Variants in CNTN4 observed in about 807,000 individuals in gnomAD.
CNTN4 encodes contactin 4.
CNTN4 carries 77 observed loss-of-function variants against 122.5 expected under a neutral mutation model. The ratio of observed to expected loss-of-function variants is 0.63; its 90% CI spans 0.52 to 0.76. The LOEUF (loss-of-function observed/expected upper bound fraction) is 0.76. Ranked by LOEUF, CNTN4 falls within the 30% of genes least tolerant of loss-of-function variation. CNTN4 has a pLI of 0.00. For missense variants in CNTN4, 1,256 were observed against 1,259.1 expected (o/e 1.00, Z 0.04); for synonymous variants, 512 against 447.0 (o/e 1.15, Z -1.83).
intron 2 of CNTN4, among the ~76,000 whole-genome samples, chr3:2,167,946 C>T (rs1167303530): frequency 6.6e-6 from 1 of 152,064 alleles, no homozygotes; most frequent in African/African-American, 2.4e-5. Context: ...TTCAACAGAC[C>T]AAGCAACATA....
chr3:2,452,162 G>A (rs1258228834), intron 3 of CNTN4, among the ~76,000 whole-genome samples: 1 of 152,140 alleles, frequency 6.6e-6, no homozygotes, highest in African/African-American at 2.4e-5. Context: ...GGAATCAGAA[G>A]CTCATTTATA....
At chr3:2,440,709 C>T (rs577518638) in intron 3 of CNTN4, among the ~76,000 whole-genome samples, 5 of 150,858 alleles carry the variant, frequency 3.3e-5, no homozygotes, top group Non-Finnish European at 5.9e-5. Flanking sequence ...TGTATATACA[C>T]ACGTATGTAT....
At chr3:2,568,149 A>G (rs1184610596) in intron 3 of CNTN4, among the ~76,000 whole-genome samples, 1 of 152,084 alleles carries the variant, frequency 6.6e-6, no homozygotes, top group Non-Finnish European at 1.5e-5. Flanking sequence ...TTCAAAACAA[A>G]TAAATACATG....
intron 4 of CNTN4, among the ~76,000 whole-genome samples, chr3:2,704,204 G>A (rs1378604397): frequency 2.0e-5 from 3 of 150,618 alleles, no homozygotes; most frequent in Non-Finnish European, 4.4e-5. Context: ...GGCTGAGGCA[G>A]GAGAATTGCT....
At chr3:2,553,131 T>C (rs956599620) in intron 3 of CNTN4, among the ~76,000 whole-genome samples, 1 of 152,172 alleles carries the variant, frequency 6.6e-6, no homozygotes, top group African/African-American at 2.4e-5. Flanking sequence ...CCACACAAAG[T>C]AATTGGCTTG....
chr3:2,100,165 G>A (rs1002617973), intron 1 of CNTN4, among the ~76,000 whole-genome samples: 1 of 152,188 alleles, frequency 6.6e-6, no homozygotes, highest in African/African-American at 2.4e-5. Flanking sequence ...GGATCTTGAG[G>A]TGTGTTGGAG....
intron 12 of CNTN4, among the ~76,000 whole-genome samples, chr3:2,919,337 G>A (rs1309391830): frequency 7.5e-6 from 1 of 133,162 alleles, no homozygotes; most frequent in Non-Finnish European, 1.6e-5. Flanking sequence ...GGGTGACAGA[G>A]CAAGACTCTG....
At chr3:2,442,004 A>G (rs1211674899) in intron 3 of CNTN4, among the ~76,000 whole-genome samples, 1 of 152,162 alleles carries the variant, frequency 6.6e-6, no homozygotes, top group African/African-American at 2.4e-5. Context: ...TCCTCTTTCC[A>G]GTAACTAATA....
intron 4 of CNTN4, among the ~76,000 whole-genome samples, chr3:2,733,967 G>A (rs944668019): frequency 2.0e-5 from 3 of 152,176 alleles, no homozygotes; most frequent in African/African-American, 7.2e-5. Context: ...GTGGTGATAT[G>A]ATTCATGACA....
intron 4 of CNTN4, among the ~76,000 whole-genome samples, chr3:2,616,490 AC>A (rs924946701): frequency 6.6e-6 from 1 of 152,162 alleles, no homozygotes; most frequent in Non-Finnish European, 1.5e-5. Context: ...TTGGGTATAT[AC>A]CCAGTAATGG....
chr3:3,036,748 CAGAGAGAG>C (rs10617900), intron 17 of CNTN4, among the ~76,000 whole-genome samples: 2 of 144,796 alleles, frequency 1.4e-5, no homozygotes, highest in African/African-American at 5.1e-5. Flanking sequence ...CCCTGGGCAT[CAGAGAGAG>C]AGAGAGAGAG....
intron 3 of CNTN4, among the ~76,000 whole-genome samples, chr3:2,474,675 C>A (rs1034796332): frequency 1.3e-5 from 2 of 152,144 alleles, no homozygotes; most frequent in Non-Finnish European, 2.9e-5. Flanking sequence ...AATAAGCCTA[C>A]TTTGTGTCAA....
At chr3:2,519,093 C>T (rs1022598735) in intron 3 of CNTN4, among the ~76,000 whole-genome samples, 3 of 152,082 alleles carry the variant, frequency 2.0e-5, no homozygotes, top group Admixed American at 2.0e-4. Flanking sequence ...TTCTTTTCTC[C>T]TGGTTTAGGG....
intron 8 of CNTN4, among the ~76,000 whole-genome samples, chr3:2,869,727 G>A (rs781144677): frequency 6.6e-6 from 1 of 152,108 alleles, no homozygotes; most frequent in Non-Finnish European, 1.5e-5. Context: ...GTTTTCATCC[G>A]ACTTTGTACT....
intron 3 of CNTN4, chr3:2,362,575 A>T: frequency 1.8e-6 from 1 of 566,534 alleles, no homozygotes; most frequent in Non-Finnish European, 3.4e-6. Flanking sequence ...AGAAGAAGAC[A>T]GCAGCTTCTT....
intron 14 of CNTN4, 29 bp from the exon 15 acceptor site, chr3:3,026,073 T>C: frequency 6.3e-7 from 1 of 1,596,526 alleles, no homozygotes. Context: ...TTTGTTGTTG[T>C]TATTGTTTGT....
chr3:2,890,045 C>T lies in CNTN4; in HGVS notation c.940+2821C>T, dbSNP rs117558312. On this transcript the variant is annotated intron_variant, in intron 10 of 24. Transcript: ENST00000418658. ...AAGAGCAGAATAAAATAAAATTTGCCTGCTTTCTGAAGATAACTCAGCCTT... is the reference window on the plus strand; with the variant it reads ...AAGAGCAGAATAAAATAAAATTTGCTTGCTTTCTGAAGATAACTCAGCCTT... 2.6e-5 allele frequency among the ~76,000 whole-genome samples: 4 copies of T among 152,324 alleles called. No homozygotes were observed. In the East Asian group the frequency reaches 7.7e-4, roughly 29 times the overall value.
rs113116930 is a variant in CNTN4, at chr3:2,872,281, A to G, written c.652+5332A>G. ...GCTCTCTCTAAAATGGCTTAAGATG[A>G]AAAGAATTAGCAGAGATTAGGACAG... On this transcript the variant is annotated intron_variant, in intron 8 of 24. Coordinates refer to ENST00000418658, the MANE Select transcript of CNTN4 (RefSeq NM_175607.3). Among the ~76,000 whole-genome samples the G allele has an allele frequency of 1.1e-3, 169 of 152,332 alleles. 1 individual carries two copies. Among genetic ancestry groups the G allele is most frequent in the African/African-American group, 3.8e-3 (159 of 41,570 alleles).
At chr3:2,577,966 T>A (rs1276153513) in intron 4 of CNTN4, among the ~76,000 whole-genome samples, 1 of 152,184 alleles carries the variant, frequency 6.6e-6, no homozygotes, top group Admixed American at 6.5e-5. Flanking sequence ...TTTGTTGATT[T>A]GCTCACAAAA....
Sources: allele counts gnomAD v4.1 joint callset (sites outside exome capture counted in the v4.1 genomes callset), GRCh38; gene constraint gnomAD v4.1.1; transcripts MANE v1.5; gene names NCBI Gene and HGNC (gene_info 2026-07-23, HGNC 2026-07-21).